The following SH3TC1 variants were observed in gnomAD, a reference collection of about 807,000 sequenced individuals.
The protein encoded by SH3TC1 is SH3 domain and tetratricopeptide repeat-containing protein 1.
In SH3TC1, 135 loss-of-function variants were observed where a neutral mutation model predicts 117.3. That is an observed-to-expected ratio of 1.15 (90% CI 1.00 to 1.33). The LOEUF (loss-of-function observed/expected upper bound fraction) is 1.33. SH3TC1 is among the 40% of genes most tolerant of loss of function. The pLI, the probability that SH3TC1 is intolerant of heterozygous loss-of-function variation, is 0.00. For missense variants in SH3TC1, 2,092 were observed against 1,794.3 expected, an observed-to-expected ratio of 1.17 and a Z score of -3.00; for synonymous variants, 898 against 816.9, an observed-to-expected ratio of 1.10 and a Z score of -1.69.
chr4:8,199,926 C>A (rs577430961), intron 1 of SH3TC1, among the ~76,000 whole-genome samples: 6 of 152,360 alleles, frequency 3.9e-5, no homozygotes, highest in Admixed American at 3.9e-4. Context: ...GGACCAGCAA[C>A]TGGACCAGGG....
In SH3TC1 at chr4:8,219,528, C is replaced by T. The variant is rs544390877; in HGVS notation, c.1110C>T (p.Ser370=). 9.2e-5 allele frequency: 142 copies of T among 1,551,574 alleles called. No individual in the cohort carries two copies. Among genetic ancestry groups the T allele is most frequent in the East Asian group, 1.4e-4 (6 of 42,932 alleles). The change falls in exon 9 of 18, where the codon TCC becomes TCT. Residue 370 remains serine (S), a splice_region_variant and synonymous_variant. Coordinates refer to ENST00000245105, the MANE Select transcript of SH3TC1 (RefSeq NM_018986.5). ...TCATCAGCATGCAGGGCCCCGTGTC[C>T]GAGTGAGTGGCTGGAGCCCCGCCCC... ...SSLISMQGPV[S]ELESAIFLNE...
Position 8,205,124 on chromosome 4 carries a change from C to G in SH3TC1, c.-28-43C>G. ...CCTGGACACAACCTCCGTGCTGGTT[C>G]TGGAGGGGCCACCTCTCCTGACCAC... is the stretch of plus-strand genomic sequence containing the variant. On this transcript the variant is annotated intron_variant, in intron 1 of 17. Transcript: ENST00000245105. This position sits in a 1 kb window ranked among gnomAD's most constrained non-coding sequence, Gnocchi z 5.4. 2 of 1,422,380 alleles carry G rather than the reference C, an allele frequency of 1.4e-6. No individual in the cohort carries two copies. Among genetic ancestry groups the G allele is most frequent in the Non-Finnish European group, 1.9e-6 (2 of 1,077,632 alleles). 88.1% of individuals were successfully genotyped at this position (1,422,380 alleles called of 1,614,324 possible). A position where few individuals can be genotyped will look rare whatever the true frequency, so the allele number is the denominator to read the frequency against.
intron 3 of SH3TC1, among the ~76,000 whole-genome samples, chr4:8,211,580 C>G (rs1378731023): frequency 6.8e-6 from 1 of 148,120 alleles, no homozygotes; most frequent in Non-Finnish European, 1.5e-5. Flanking sequence ...CAGCCATGCT[C>G]TGCAGAGGCC....
intron 17 of SH3TC1, 25 bp from the exon 18 acceptor site, chr4:8,240,672 TG>T: frequency 6.2e-7 from 1 of 1,612,960 alleles, no homozygotes; most frequent in Non-Finnish European, 8.5e-7. Flanking sequence ...GTCCCCCTTT[TG>T]CTGAGCATGG....
chr4:8,224,141 G>C lies in SH3TC1; in HGVS notation c.1244-1034G>C, dbSNP rs114648156. On this transcript the variant is annotated intron_variant, in intron 10 of 17. Transcript: ENST00000245105. Reference sequence around the variant, plus strand: ...CATGTGCATGCACCTTCCTCACAAGGTGTACACGCACACGTACATACATAT... The same window carrying C: ...CATGTGCATGCACCTTCCTCACAAGCTGTACACGCACACGTACATACATAT... Among the ~76,000 whole-genome samples, 106 of 152,248 alleles carry C rather than the reference G, an allele frequency of 7.0e-4. 1 individual carries two copies. Among genetic ancestry groups the C allele is most frequent in the African/African-American group, 2.5e-3 (104 of 41,552 alleles).
intron 1 of SH3TC1, among the ~76,000 whole-genome samples, chr4:8,204,606 G>A (rs1043820929): frequency 1.3e-5 from 2 of 152,204 alleles, no homozygotes; most frequent in African/African-American, 4.8e-5. Flanking sequence ...TCTTATTAGC[G>A]CCTCTGTCTG....
intron 11 of SH3TC1, 25 bp from the exon 12 acceptor site, chr4:8,226,955 G>C (rs1272072557): frequency 1.3e-6 from 2 of 1,513,764 alleles, no homozygotes; most frequent in African/African-American, 2.8e-5. Context: ...ACTCTAATCT[G>C]TCTAGGTGTT....
rs536381210 is a variant in SH3TC1 at position 8,233,899 on chromosome 4, T to C, written c.3282+386T>C. 4.7e-5 allele frequency among the ~76,000 whole-genome samples: 7 copies of C among 149,468 alleles called. No individual in the cohort carries two copies. The South Asian group carries it at 1.5e-3, about 32-fold the overall frequency. On this transcript the variant is annotated intron_variant, in intron 14 of 17. Transcript: ENST00000245105. The stretch of plus-strand genomic sequence containing the variant: ...CATCCTTCCATTCATCCATCCATCA[T>C]CCATCCATCCATCATTCATCCACTC...
chr4:8,216,087 G>T (rs766067697), intron 5 of SH3TC1, 24 bp from the exon 6 acceptor site: 5 of 1,611,150 alleles, frequency 3.1e-6, no homozygotes, highest in African/African-American at 1.3e-5. Flanking sequence ...GGAGCCCTCG[G>T]GTGACTGGGC....
intron 12 of SH3TC1, chr4:8,229,265 T>A (rs1443990388): frequency 6.6e-6 from 1 of 150,972 alleles, no homozygotes; most frequent in Non-Finnish European, 1.5e-5. Context: ...GGGTGAGTGG[T>A]GTGATGGCGG....
At chr4:8,220,387 T>TA (rs1554135196) in intron 9 of SH3TC1, among the ~76,000 whole-genome samples, 1 of 151,516 alleles carries the variant, frequency 6.6e-6, no homozygotes, top group East Asian at 1.9e-4. Flanking sequence ...GTGGCTCCTC[T>TA]GGGGGGGGCA....
Position 8,227,395 on chromosome 4 carries a change from G to T in SH3TC1, c.1701G>T (p.Gly567=). The T allele has an allele frequency of 6.4e-7, 1 of 1,553,014 alleles. No homozygotes were observed. The highest frequency in any genetic ancestry group is 1.2e-5 in the South Asian group (1 of 81,500). Residue 567 remains glycine, a synonymous_variant, in exon 12 of 18, where the codon GGG becomes GGT. Transcript: ENST00000245105. ...TGGCCAGGCTCTGCTTCCTCCTGGG[G>T]CGGCTGTGCAGCAGGAGGCTCAAGC... The part of the protein sequence containing the change: ...MALARLCFLL[G]RLCSRRLKLS...
upstream of SH3TC1, among the ~76,000 whole-genome samples, chr4:8,198,835 A>G (rs926373097): frequency 5.9e-5 from 9 of 152,194 alleles, no homozygotes; most frequent in Non-Finnish European, 1.3e-4. Context: ...GTGCCTGTCC[A>G]TGTGTGCACA....
rs756207650 is a variant in SH3TC1, at chr4:8,212,694, C to G, written c.248-7C>G. On this transcript the variant is annotated splice_region_variant and splice_polypyrimidine_tract_variant and intron_variant, in intron 3 of 17. Transcript: ENST00000245105. ...ACCAACTGCCCAACCTCCGTCTGCCCCTCCAGACCTGACCCTGCAGCTGCT... is the reference window on the plus strand; with the variant it reads ...ACCAACTGCCCAACCTCCGTCTGCCGCTCCAGACCTGACCCTGCAGCTGCT... 1.2e-6 allele frequency: 2 copies of G among 1,612,858 alleles called. No individual in the cohort carries two copies. The highest frequency in any genetic ancestry group is 2.2e-5 in the East Asian group (1 of 44,864).
chr4:8,228,120 T>G lies in SH3TC1; in HGVS notation c.2426T>G (p.Met809Arg). The part of the protein sequence containing the change: ...HGCHGPAITF[M>R]TQAVEASAIA... ...TGCCACGGCCCGGCCATCACCTTCA[T>G]GACGCAGGCAGTGGAAGCCAGTGCT... The change falls in exon 12 of 18, where the codon ATG becomes AGG. Residue 809 changes from methionine to arginine, a missense_variant. By Grantham distance (91) the Met-to-Arg change is moderately conservative (BLOSUM62 -1). Transcript: ENST00000245105. 1 of 1,612,112 alleles carries G rather than the reference T, an allele frequency of 6.2e-7. No homozygotes were observed. The highest frequency in any genetic ancestry group is 8.5e-7 in the Non-Finnish European group (1 of 1,179,394).
chr4:8,225,251 T>A lies in SH3TC1; in HGVS notation c.1285+35T>A, dbSNP rs754116700. The A allele has an allele frequency of 6.2e-7, 1 of 1,605,692 alleles. No homozygotes were observed. The highest frequency in any genetic ancestry group is 1.1e-5 in the South Asian group (1 of 89,534). On this transcript the variant is annotated intron_variant, in intron 11 of 17. Transcript: ENST00000245105. The surrounding 1 kb of genome is among the most constrained non-coding windows in gnomAD (Gnocchi z 5.5). Reference sequence around the variant, plus strand: ...GCCAGTGGCTCAGGCTTCCTCTGGTTATGAGCTGGGCCTTGGGGTAACGCT... The same window carrying A: ...GCCAGTGGCTCAGGCTTCCTCTGGTAATGAGCTGGGCCTTGGGGTAACGCT...
chr4:8,218,005 C>A (rs1719464350), intron 7 of SH3TC1, among the ~76,000 whole-genome samples: 1 of 152,152 alleles, frequency 6.6e-6, no homozygotes, highest in South Asian at 2.1e-4. Context: ...GGGTTCCAGG[C>A]CCACAGGGGT....
At chr4:8,189,001 C>T (rs549997361) in intron 1 of SH3TC1, among the ~76,000 whole-genome samples, 11 of 152,364 alleles carry the variant, frequency 7.2e-5, no homozygotes, top group East Asian at 3.9e-4. Flanking sequence ...AGGGCAAGTC[C>T]GTGCCTGCTG....
chr4:8,239,302 CACACACAGGCACAG>C (rs936871930), intron 17 of SH3TC1, among the ~76,000 whole-genome samples: 30 of 139,344 alleles, frequency 2.2e-4, no homozygotes, highest in African/African-American at 7.6e-4. Flanking sequence ...CACACATGAG[CACACACAGGCACAG>C]GCACAGAGAC....
Sources: allele counts gnomAD v4.1 joint callset (sites outside exome capture counted in the v4.1 genomes callset), GRCh38; gene constraint gnomAD v4.1.1; non-coding constraint Gnocchi (gnomAD v3.1); transcripts MANE v1.5; gene names NCBI Gene and HGNC (gene_info 2026-07-23, HGNC 2026-07-21).